The following C4orf54 variants were observed in gnomAD, a reference collection of about 807,000 sequenced individuals.
C4orf54 encodes the protein uncharacterized protein C4orf54.
Under a neutral mutation model 80.1 loss-of-function variants are expected in C4orf54, and 67 were observed. The observed-to-expected ratio is 0.84, with a 90% CI of 0.69 to 1.03. C4orf54 has a LOEUF of 1.03. Among genes scored for constraint, C4orf54 ranks in the 50% least tolerant of loss-of-function variants. The probability of loss-of-function intolerance (pLI) is 0.00; values close to 1 mark genes in which losing one functional copy is unlikely to be tolerated. For synonymous variants in C4orf54, 1,000 were observed against 917.0 expected, an observed-to-expected ratio of 1.09 and a Z score of -1.64; for missense variants, 2,434 against 2,253.5, an observed-to-expected ratio of 1.08 and a Z score of -1.62.
chr4:99,638,406 A>G lies in C4orf54; in HGVS notation c.*2827T>C, dbSNP rs1726548002. On this transcript the variant is annotated 3_prime_UTR_variant, in exon 3 of 3. Coordinates refer to ENST00000511828, the MANE Select transcript of C4orf54 (RefSeq NM_001354435.2). ...GACATATTTCAAATATGACCATTTT[A>G]TCAACAAGTAAAAAGTGGATCTTCT... 1 of 152,154 alleles carries G rather than the reference A, an allele frequency of 6.6e-6. No homozygotes were observed. 9.4% of individuals were successfully genotyped at this position (152,154 alleles called of 1,614,324 possible). A position where few individuals can be genotyped will look rare whatever the true frequency, so the allele number is the denominator to read the frequency against.
In C4orf54 at chr4:99,640,866, A is replaced by T. The variant is rs919992243; in HGVS notation, c.*367T>A. The stretch of plus-strand genomic sequence containing the variant: ...CAATCCCATTCTGTGGTATGTTTTG[A>T]CTGAACAATGGGAACAAAGGAATTG... On this transcript the variant is annotated 3_prime_UTR_variant, in exon 3 of 3. Transcript: ENST00000511828. 2 of 152,182 alleles carry T rather than the reference A, an allele frequency of 1.3e-5. No individual in the cohort carries two copies. Among genetic ancestry groups the T allele is most frequent in the African/African-American group, 4.8e-5 (2 of 41,468 alleles). The allele number at this position is 152,182 out of a possible 1,614,324, so 9.4% of individuals were successfully genotyped here. A position where few individuals can be genotyped will look rare whatever the true frequency, so the allele number is the denominator to read the frequency against.
Position 99,653,643 on chromosome 4 carries a change from C to T in C4orf54, c.1006G>A (p.Gly336Arg). The T allele has an allele frequency of 6.5e-7, 1 of 1,533,856 alleles. No individual in the cohort carries two copies. ...GTTCCATCTCCTGCCCCTCCTCCCC[C>T]TCCTCCTTTTCCTCCTCCCCCTCCT... ...SGGGGGGKGG[G>R]GGGAGDGTEC... Residue 336 changes from glycine (G) to arginine (R), a missense_variant, in exon 2 of 3, where the codon GGG (glycine) becomes AGG (arginine). Coordinates refer to ENST00000511828, the MANE Select transcript of C4orf54 (RefSeq NM_001354435.2).
chr4:99,648,587 A>G (rs1429215036), intron 2 of C4orf54, among the ~76,000 whole-genome samples: 10 of 125,416 alleles, frequency 8.0e-5, no homozygotes, highest in African/African-American at 2.1e-4. Flanking sequence ...GTGTGTGTGT[A>G]AGACACATTA....
In C4orf54 at chr4:99,651,146, C is replaced by T; in HGVS notation, c.3503G>A (p.Arg1168Gln). Residue 1168 changes from arginine to glutamine, a missense_variant, in exon 2 of 3, where the codon CGA becomes CAA. Transcript: ENST00000511828. ...TTTGCCCATGCTTTCCCTGGGCTCTCGGTCCATGCTGTCTTCCCTCTGGTT... is the reference window on the plus strand; with the variant it reads ...TTTGCCCATGCTTTCCCTGGGCTCTTGGTCCATGCTGTCTTCCCTCTGGTT... ...VVNQREDSMD[R>Q]EPRESMGKGG... is the part of the protein sequence containing the mutation. 6.5e-7 allele frequency: 1 copy of T among 1,536,162 alleles called. No homozygotes were observed.
intron 2 of C4orf54, among the ~76,000 whole-genome samples, chr4:99,644,260 C>G (rs750154821): frequency 2.9e-4 from 44 of 151,994 alleles, no homozygotes; most frequent in Non-Finnish European, 5.6e-4. Flanking sequence ...TTGGTATATA[C>G]TAAATGATTA....
rs920880470 is a variant in C4orf54, at chr4:99,639,439, T to C, written c.*1794A>G. 2.0e-5 allele frequency: 3 copies of C among 152,162 alleles called. No homozygotes were observed. The highest frequency in any genetic ancestry group is 7.2e-5 in the African/African-American group (3 of 41,468). 9.4% of individuals were successfully genotyped at this position (152,162 alleles called of 1,614,324 possible). On this transcript the variant is annotated 3_prime_UTR_variant, in exon 3 of 3. Coordinates refer to ENST00000511828, the MANE Select transcript of C4orf54 (RefSeq NM_001354435.2). ...TACTTTAAGTTCTGGGGGGAATTGA[T>C]TGATGTGCCTGGGTAAGAAGACCTC...
intron 2 of C4orf54, among the ~76,000 whole-genome samples, chr4:99,648,450 A>C (rs1560636345): frequency 6.6e-6 from 1 of 152,170 alleles, no homozygotes; most frequent in African/African-American, 2.4e-5. Flanking sequence ...TTAGCAGCAA[A>C]GCATAATGTG....
intron 2 of C4orf54, among the ~76,000 whole-genome samples, chr4:99,645,255 T>A (rs1338010579): frequency 2.6e-5 from 4 of 151,854 alleles, no homozygotes; most frequent in Non-Finnish European, 5.9e-5. Context: ...CAGCTCTCCC[T>A]GAATCCAGCC....
rs1474788228 is a variant in C4orf54, at chr4:99,639,359, C to G, written c.*1874G>C. 2 of 152,056 alleles carry G rather than the reference C, an allele frequency of 1.3e-5. No homozygotes were observed. The highest frequency in any genetic ancestry group is 3.8e-4 in the East Asian group (2 of 5,200). The allele number at this position is 152,056 out of a possible 1,614,324, so 9.4% of individuals were successfully genotyped here. On this transcript the variant is annotated 3_prime_UTR_variant, in exon 3 of 3. Transcript: ENST00000511828. ...GTTACCTTATACCCAGCCAATCTCT[C>G]CTGAAAACGAGGAAGCTCTGATGCC... is the stretch of plus-strand genomic sequence containing the variant.
In C4orf54 at chr4:99,641,476, G is replaced by A. The variant is rs77134794; in HGVS notation, c.*37-280C>T. 2.7e-3 allele frequency among the ~76,000 whole-genome samples: 406 copies of A among 152,068 alleles called. 2 individuals carry two copies. Among genetic ancestry groups the A allele is most frequent in the African/African-American group, 6.4e-3 (267 of 41,500 alleles). ...AAATGACTTTAAAGTTAAATGTTCC[G>A]TTTCATTGAAATCATTCATAGCAAA... On this transcript the variant is annotated intron_variant, in intron 2 of 2. Coordinates refer to ENST00000511828, the MANE Select transcript of C4orf54 (RefSeq NM_001354435.2).
rs759885222 is a variant in C4orf54 at position 99,652,964 on chromosome 4, T to C, written c.1685A>G (p.His562Arg). Residue 562 changes from histidine to arginine, a missense_variant, in exon 2 of 3, where the codon CAC becomes CGC. Coordinates refer to ENST00000511828, the MANE Select transcript of C4orf54 (RefSeq NM_001354435.2). ...MSLRVSTAAE[H>R]NSSSLKQNPA... ...GTTTTGCTTCAGCGAACTTGAATTG[T>C]GTTCAGCAGCTGTAGAGACGCGGAG... The C allele has an allele frequency of 6.5e-7, 1 of 1,536,170 alleles. No individual in the cohort carries two copies. The highest frequency in any genetic ancestry group is 8.7e-7 in the Non-Finnish European group (1 of 1,146,926).
rs1241991029 is a variant in C4orf54, at chr4:99,636,658, G to A, written c.*4575C>T. On this transcript the variant is annotated 3_prime_UTR_variant, in exon 3 of 3. Coordinates refer to ENST00000511828, the MANE Select transcript of C4orf54 (RefSeq NM_001354435.2). ...AAATGCTGGCAATTAAAGGTAAGTA[G>A]CCTAGTCTCACAGAATCCTTGTCTA... The A allele has an allele frequency of 1.3e-5, 2 of 152,080 alleles. No individual in the cohort carries two copies. The highest frequency in any genetic ancestry group is 3.8e-4 in the East Asian group (2 of 5,198). 9.4% of individuals were successfully genotyped at this position (152,080 alleles called of 1,614,324 possible).
At position 99,653,156 on chromosome 4, in the gene C4orf54, G is replaced by A. The variant is rs1197522694; in HGVS notation, c.1493C>T (p.Pro498Leu). ...APLTEPLPETPEAASGAAAAA... is the reference protein window; with the variant it reads ...APLTEPLPETLEAASGAAAAA... The stretch of plus-strand genomic sequence containing the variant: ...GGCTGCTGCCCCTGAAGCTGCCTCC[G>A]GGGTCTCAGGCAAGGGCTCAGTCAG... Residue 498 changes from proline (P) to leucine (L), a missense_variant, in exon 2 of 3, where the codon CCG becomes CTG. By Grantham distance (98) the Pro-to-Leu change is moderately conservative. Coordinates refer to ENST00000511828, the MANE Select transcript of C4orf54 (RefSeq NM_001354435.2). 3 of 1,536,004 alleles carry A rather than the reference G, an allele frequency of 2.0e-6. No homozygotes were observed. The highest frequency in any genetic ancestry group is 1.2e-5 in the South Asian group (1 of 84,052).
intron 2 of C4orf54, among the ~76,000 whole-genome samples, chr4:99,648,337 C>G (rs1160608886): frequency 6.6e-6 from 1 of 152,130 alleles, no homozygotes; most frequent in Non-Finnish European, 1.5e-5. Context: ...ACTTAGTTGT[C>G]AGGAATCTAT....
chr4:99,637,194 AAG>A lies in C4orf54; in HGVS notation c.*4037_*4038del, dbSNP rs1726520057. 1 of 152,224 alleles carries A rather than the reference AAG, an allele frequency of 6.6e-6. No individual in the cohort carries two copies. Among genetic ancestry groups the A allele is most frequent in the South Asian group, 2.1e-4 (1 of 4,832 alleles). The allele number at this position is 152,224 out of a possible 1,614,324, so 9.4% of individuals were successfully genotyped here. On this transcript the variant is annotated 3_prime_UTR_variant, in exon 3 of 3. Coordinates refer to ENST00000511828, the MANE Select transcript of C4orf54 (RefSeq NM_001354435.2). The stretch of plus-strand genomic sequence containing the variant: ...CAATTATGAAACTTAAAAAAAGAAA[AAG>A]AAATCAAATCAGATGTGTGTGTTTT...
chr4:99,650,742 C>T lies in C4orf54; in HGVS notation c.3907G>A (p.Val1303Met). Residue 1303 changes from valine to methionine, a missense_variant, in exon 2 of 3, where the codon GTG becomes ATG. Transcript: ENST00000511828. Reference sequence around the variant, plus strand: ...TTGTCGTGGTCTCCATCAGCAACCACTACCCCTTCCCTCTCCTCACTGGCA... The same window carrying T: ...TTGTCGTGGTCTCCATCAGCAACCATTACCCCTTCCCTCTCCTCACTGGCA... ...LIASEEREGV[V>M]VADGDHDKLS... 1 of 1,536,198 alleles carries T rather than the reference C, an allele frequency of 6.5e-7. No homozygotes were observed. Among genetic ancestry groups the T allele is most frequent in the Non-Finnish European group, 8.7e-7 (1 of 1,146,920 alleles).
chr4:99,654,599 G>A lies in C4orf54; in HGVS notation c.50C>T (p.Ala17Val). The change falls in exon 2 of 3, where the codon GCT becomes GTT. Residue 17 changes from alanine (A) to valine (V), a missense_variant. Transcript: ENST00000511828. ...WKSRGQPTDA[A>V]SSVADGIQTP... ...CTGAATGCCATCGGCCACGGAAGAA[G>A]CAGCATCTGTAGGTTGACCCCGGGA... 1 of 702,760 alleles carries A rather than the reference G, an allele frequency of 1.4e-6. No individual in the cohort carries two copies. Among genetic ancestry groups the A allele is most frequent in the Non-Finnish European group, 2.6e-6 (1 of 384,706 alleles). 43.5% of individuals were successfully genotyped at this position (702,760 alleles called of 1,614,324 possible).
intron 2 of C4orf54, among the ~76,000 whole-genome samples, chr4:99,648,577 G>GTGTGTGTGTAAGACACATTAGA (rs1726738951): frequency 6.6e-6 from 1 of 152,014 alleles, no homozygotes; most frequent in African/African-American, 2.4e-5. Flanking sequence ...GTGTGTGTGT[G>GTGTGTGTGTAAGACACATTAGA]TGTGTGTGTA....
chr4:99,650,400 G>T lies in C4orf54; in HGVS notation c.4249C>A (p.Gln1417Lys). 6.5e-7 allele frequency: 1 copy of T among 1,536,122 alleles called. No homozygotes were observed. The highest frequency in any genetic ancestry group is 8.7e-7 in the Non-Finnish European group (1 of 1,146,904). Residue 1417 changes from glutamine to lysine, a missense_variant, in exon 2 of 3, where the codon CAA (glutamine) becomes AAA (lysine). Gln to Lys is a moderately conservative substitution (Grantham distance 53, BLOSUM62 1). Coordinates refer to ENST00000511828, the MANE Select transcript of C4orf54 (RefSeq NM_001354435.2). ...KTGGVAGKFP[Q>K]GPSPESPSAA... ...GAAGGACTCTCCGGAGAAGGCCCTT[G>T]TGGGAACTTGCCAGCGACACCCCCA...
Sources: allele counts gnomAD v4.1 joint callset (sites outside exome capture counted in the v4.1 genomes callset), GRCh38; gene constraint gnomAD v4.1.1; transcripts MANE v1.5; gene names NCBI Gene and HGNC (gene_info 2026-07-23, HGNC 2026-07-21).